The following TYW5 variants were observed in gnomAD, a reference collection of about 807,000 sequenced individuals.
TYW5 encodes the protein tRNA-yW synthesizing protein 5, also known as tRNA wybutosine-synthesizing protein 5.
TYW5 carries 36 observed loss-of-function variants against 44.4 expected under a neutral mutation model. The ratio of observed to expected loss-of-function variants is 0.81; its 90% CI spans 0.62 to 1.07. TYW5 has a LOEUF of 1.07. Among genes scored for constraint, TYW5 ranks in the 50% least tolerant of loss-of-function variants. The probability of loss-of-function intolerance (pLI) is 0.00; values close to 1 mark genes in which losing one functional copy is unlikely to be tolerated. For synonymous variants in TYW5, 121 were observed against 128.1 expected (o/e 0.94, Z 0.37); for missense variants, 354 against 365.7 (o/e 0.97, Z 0.26).
In TYW5 at chr2:199,955,019, A is replaced by C. The variant is rs192354106; in HGVS notation, c.78+374T>G. ...TAAGTTAGAATTCAAGACGAGTAGG[A>C]GTTTTCCGGGGGAATCCCATTGCTT... On this transcript the variant is annotated intron_variant, in intron 1 of 7. Coordinates refer to ENST00000354611, the MANE Select transcript of TYW5 (RefSeq NM_001039693.3). 6.6e-4 allele frequency among the ~76,000 whole-genome samples: 101 copies of C among 152,256 alleles called. 1 individual carries two copies. The East Asian group carries it at 0.018, about 28-fold the overall frequency.
At chr2:199,954,337 AGTGATCCACC>A (rs923588279) in intron 1 of TYW5, among the ~76,000 whole-genome samples, 6 of 151,488 alleles carry the variant, frequency 4.0e-5, no homozygotes, top group African/African-American at 1.5e-4. Flanking sequence ...CCTGACCTCA[AGTGATCCACC>A]GACCTGGGCC....
chr2:199,945,076 T>A (rs2077494108), intron 2 of TYW5: 1 of 152,220 alleles, frequency 6.6e-6, no homozygotes, highest in African/African-American at 2.4e-5. Flanking sequence ...CTGTGTGTAG[T>A]GCAACTCTCC....
At chr2:199,938,836 T>G in intron 5 of TYW5, 97 bp downstream of exon 5, 1 of 1,266,490 alleles carries the variant, frequency 7.9e-7, no homozygotes, top group Non-Finnish European at 1.1e-6. Context: ...ATTACACAGA[T>G]GTTTAGGGTA....
chr2:199,935,383 G>A (rs565642534), intron 7 of TYW5, among the ~76,000 whole-genome samples: 1 of 151,938 alleles, frequency 6.6e-6, no homozygotes, highest in South Asian at 2.1e-4. Context: ...GTGGAGTACA[G>A]TGATTCCATG....
chr2:199,953,357 T>C (rs1028018575), intron 1 of TYW5, among the ~76,000 whole-genome samples: 2 of 152,056 alleles, frequency 1.3e-5, no homozygotes, highest in African/African-American at 4.8e-5. Context: ...TGTGCCAATG[T>C]AGGTTTATCA....
In TYW5 at chr2:199,938,950, G is replaced by C. The variant is rs973981862; in HGVS notation, c.469C>G (p.Leu157Val). Residue 157 changes from leucine to valine, a missense_variant, in exon 5 of 8, where the codon CTA becomes GTA. Coordinates refer to ENST00000354611, the MANE Select transcript of TYW5 (RefSeq NM_001039693.3). ...TAGCATACATCATAATGAGTCCATA[G>C]TTGTAATCCTGGTGAACTAATTCGA... is the stretch of plus-strand genomic sequence containing the variant. ...VFRISSPGLQ[L>V]WTHYDVMDNL... is the part of the protein sequence containing the mutation. 1 of 1,611,618 alleles carries C rather than the reference G, an allele frequency of 6.2e-7. No individual in the cohort carries two copies.
rs1183763169 is a variant in TYW5, at chr2:199,929,147, T to C, written c.*3920A>G. ...CAAGAGTCACCAAAAAAGGTCATTTTAGTATTCTGTTTAATGGAACTTAGA... is the reference window on the plus strand; with the variant it reads ...CAAGAGTCACCAAAAAAGGTCATTTCAGTATTCTGTTTAATGGAACTTAGA... On this transcript the variant is annotated 3_prime_UTR_variant, in exon 8 of 8. Coordinates refer to ENST00000354611, the MANE Select transcript of TYW5 (RefSeq NM_001039693.3). 6.7e-6 allele frequency among the ~76,000 whole-genome samples: 1 copy of C among 150,320 alleles called. No individual in the cohort carries two copies. The highest frequency in any genetic ancestry group is 1.5e-5 in the Non-Finnish European group (1 of 67,334).
intron 7 of TYW5, among the ~76,000 whole-genome samples, chr2:199,934,112 G>C (rs557944596): frequency 6.6e-6 from 1 of 152,122 alleles, no homozygotes; most frequent in Non-Finnish European, 1.5e-5. Flanking sequence ...CCTGTGAAAG[G>C]GAGATTTAAA....
chr2:199,954,371 G>T (rs2077575767), intron 1 of TYW5, among the ~76,000 whole-genome samples: 1 of 152,092 alleles, frequency 6.6e-6, no homozygotes, highest in Non-Finnish European at 1.5e-5. Context: ...CAAAATGTTA[G>T]GATTACTGGC....
At chr2:199,935,719 A>AACACACACACACACAC (rs142361195) in intron 7 of TYW5, among the ~76,000 whole-genome samples, 8 of 138,104 alleles carry the variant, frequency 5.8e-5, no homozygotes, top group African/African-American at 1.9e-4. Flanking sequence ...GCCTGCTTTA[A>AACACACACACACACAC]ACACACACAC....
intron 2 of TYW5, chr2:199,944,935 G>C (rs998343898): frequency 1.3e-5 from 2 of 152,180 alleles, no homozygotes; most frequent in African/African-American, 4.8e-5. Context: ...AAAGATAAAT[G>C]TGGAATGTCA....
Position 199,929,305 on chromosome 2 carries a change from G to T in TYW5, c.*3762C>A, listed in dbSNP as rs2077354393. Among the ~76,000 whole-genome samples the T allele has an allele frequency of 6.6e-6, 1 of 152,142 alleles. No individual in the cohort carries two copies. The highest frequency in any genetic ancestry group is 1.5e-5 in the Non-Finnish European group (1 of 68,038). ...TACATATGTAACAAACCTGCACGTT[G>T]TGCACATGTACCCTAGAACTTAAAA... On this transcript the variant is annotated 3_prime_UTR_variant, in exon 8 of 8. Transcript: ENST00000354611.
chr2:199,953,079 T>G (rs1208921780), intron 1 of TYW5, among the ~76,000 whole-genome samples: 1 of 152,094 alleles, frequency 6.6e-6, no homozygotes, highest in Non-Finnish European at 1.5e-5. Context: ...CCCAGCACTT[T>G]GGGAAGCTGA....
At chr2:199,933,689 T>A (rs2077397845) in intron 7 of TYW5, among the ~76,000 whole-genome samples, 2 of 152,222 alleles carry the variant, frequency 1.3e-5, no homozygotes, top group Non-Finnish European at 2.9e-5. Flanking sequence ...GTTTATTTTT[T>A]GGTACACAGA....
Position 199,929,764 on chromosome 2 carries a change from G to C in TYW5, c.*3303C>G, listed in dbSNP as rs2077359673. Among the ~76,000 whole-genome samples, 1 of 151,738 alleles carries C rather than the reference G, an allele frequency of 6.6e-6. No individual in the cohort carries two copies. Among genetic ancestry groups the C allele is most frequent in the Non-Finnish European group, 1.5e-5 (1 of 67,976 alleles). ...TTAGAAATTAATTACAGGACAAATA[G>C]AATTCTAATGTATTCAAATACCAAG... On this transcript the variant is annotated 3_prime_UTR_variant, in exon 8 of 8. Coordinates refer to ENST00000354611, the MANE Select transcript of TYW5 (RefSeq NM_001039693.3).
intron 3 of TYW5, 47 bp downstream of exon 3, chr2:199,943,718 G>A (rs1383283611): frequency 4.9e-6 from 7 of 1,419,468 alleles, no homozygotes; most frequent in East Asian, 2.3e-5. Flanking sequence ...AATCCATTTA[G>A]TATATAGATA....
In TYW5 at chr2:199,933,209, G is replaced by C. The variant is rs1424686432; in HGVS notation, c.806C>G (p.Pro269Arg). 3 of 1,614,068 alleles carry C rather than the reference G, an allele frequency of 1.9e-6. No homozygotes were observed. The highest frequency in any genetic ancestry group is 2.2e-5 in the South Asian group (2 of 91,084). ...TTGTGCAGCTCTTGATGCTGCTGTA[G>C]GATCTTTGTTTCCATAGGTATCTGT... is the stretch of plus-strand genomic sequence containing the variant. The part of the protein sequence containing the change: ...DKTDTYGNKD[P>R]TAASRAAQIL... Residue 269 changes from proline to arginine, a missense_variant, in exon 8 of 8, where the codon CCT becomes CGT. Transcript: ENST00000354611.
intron 7 of TYW5, among the ~76,000 whole-genome samples, 190 bp downstream of exon 7, chr2:199,935,719 AACACACACACACACACACACAC>A (rs142361195): frequency 5.1e-5 from 7 of 138,202 alleles, no homozygotes; most frequent in South Asian, 2.4e-4. Context: ...GCCTGCTTTA[AACACACACACACACACACACAC>A]ACACACACAC....
rs1315569089 is a variant in TYW5 at position 199,930,765 on chromosome 2, T to C, written c.*2302A>G. 2 of 45,920 alleles carry C rather than the reference T, an allele frequency of 4.4e-5. No individual in the cohort carries two copies. The highest frequency in any genetic ancestry group is 7.2e-4 in the Admixed American group (2 of 2,776). 2.8% of individuals were successfully genotyped at this position (45,920 alleles called of 1,614,324 possible). A position where few individuals can be genotyped will look rare whatever the true frequency, so the allele number is the denominator to read the frequency against. ...GAAGTACTGGAGATGTGCTGCACAT[T>C]AGGGAGAATGGAGAATTACTGGTCA... On this transcript the variant is annotated 3_prime_UTR_variant, in exon 8 of 8. Coordinates refer to ENST00000354611, the MANE Select transcript of TYW5 (RefSeq NM_001039693.3).
Sources: allele counts gnomAD v4.1 joint callset (sites outside exome capture counted in the v4.1 genomes callset), GRCh38; gene constraint gnomAD v4.1.1; transcripts MANE v1.5; gene names NCBI Gene and HGNC (gene_info 2026-07-23, HGNC 2026-07-21).